The following SPTBN2 variants were observed in gnomAD, a reference collection of about 807,000 sequenced individuals.
SPTBN2 encodes the protein spectrin beta chain, non-erythrocytic 2.
SPTBN2 carries 107 observed loss-of-function variants against 284.2 expected under a neutral mutation model. That is an observed-to-expected ratio of 0.38 (90% CI 0.32 to 0.44). The LOEUF (loss-of-function observed/expected upper bound fraction) is 0.44, where lower values mean the gene tolerates loss of function less well. SPTBN2 is among the 20% of genes least tolerant of loss of function. SPTBN2 has a pLI of 1.00. For synonymous variants in SPTBN2, 1,289 were observed against 1,354.8 expected, an observed-to-expected ratio of 0.95 and a Z score of 1.07; for missense variants, 2,569 against 3,287.1, an observed-to-expected ratio of 0.78 and a Z score of 5.34.
intron 3 of SPTBN2, among the ~76,000 whole-genome samples, chr11:66,720,784 G>A (rs936342576): frequency 3.3e-5 from 5 of 152,134 alleles, no homozygotes; most frequent in Admixed American, 6.6e-5. Context: ...CGAGAGTGCC[G>A]AAGGATGAAG....
chr11:66,728,191 G>A (rs1942699210), intron 1 of SPTBN2: 1 of 145,546 alleles, frequency 6.9e-6, no homozygotes, highest in African/African-American at 2.5e-5. Context: ...GGGCGGGCGG[G>A]GGCGCGGCGG....
At position 66,698,662 on chromosome 11, in the gene SPTBN2, C is replaced by T. The variant is rs757110552; in HGVS notation, c.3991G>A (p.Asp1331Asn). 1 of 1,614,262 alleles carries T rather than the reference C, an allele frequency of 6.2e-7. No homozygotes were observed. The highest frequency in any genetic ancestry group is 1.7e-5 in the Admixed American group (1 of 60,030). Residue 1331 changes from aspartate to asparagine, a missense_variant, in exon 20 of 38, where the codon GAC becomes AAC. Asp to Asn is a conservative substitution (Grantham distance 23). This residue lies in a region of SPTBN2 where 50 missense variants were observed against 48.1 expected (regional missense o/e 1.04). Coordinates refer to ENST00000533211, the MANE Select transcript of SPTBN2 (RefSeq NM_006946.4). ...AFMAELAANK[D>N]WLDKVDKEGR... The stretch of plus-strand genomic sequence containing the variant: ...ACCTTGTCCACCTTGTCCAGCCAGT[C>T]TTTGTTGGCAGCCAGCTCGGCCATG...
upstream of SPTBN2, among the ~76,000 whole-genome samples, chr11:66,732,898 G>A (rs541799983): frequency 2.7e-5 from 4 of 150,610 alleles, no homozygotes; most frequent in South Asian, 6.3e-4. Context: ...CCCAGGAGAC[G>A]GAGGCTACAG....
At chr11:66,716,071 C>A in intron 3 of SPTBN2, 90 bp from the exon 4 acceptor site, 4 of 1,574,832 alleles carry the variant, frequency 2.5e-6, no homozygotes, top group Non-Finnish European at 3.5e-6. Flanking sequence ...GATGGAGAAG[C>A]CTGAGAGATG....
Position 66,710,561 on chromosome 11 carries a change from T to TG in SPTBN2, c.1073+20dup. On this transcript the variant is annotated intron_variant, in intron 10 of 37. Coordinates refer to ENST00000533211, the MANE Select transcript of SPTBN2 (RefSeq NM_006946.4). The surrounding 1 kb of genome is among the most constrained non-coding windows in gnomAD (Gnocchi z 4.9). ...CGTGGGAGCACAGCTCAGGGAAGGG[T>TG]GGGGCCCCAGGGACACCTACTTGGG... 6.2e-7 allele frequency: 1 copy of TG among 1,610,800 alleles called. No individual in the cohort carries two copies. Among genetic ancestry groups the TG allele is most frequent in the African/African-American group, 1.3e-5 (1 of 74,924 alleles).
At chr11:66,688,446 G>C in intron 31 of SPTBN2, 135 bp from the exon 32 acceptor site, 1 of 1,526,920 alleles carries the variant, frequency 6.5e-7, no homozygotes, top group Non-Finnish European at 8.8e-7. Flanking sequence ...AAGATGGTGG[G>C]GACAAGAAAC....
At chr11:66,688,565 A>G in intron 31 of SPTBN2, 88 bp downstream of exon 31, 1 of 1,545,462 alleles carries the variant, frequency 6.5e-7, no homozygotes, top group African/African-American at 1.4e-5. Context: ...TGCAGTGGGA[A>G]GAGAGAAGAC....
Position 66,691,493 on chromosome 11 carries a change from G to C in SPTBN2, c.5356C>G (p.Leu1786Val). ...KDSLNEAWAD[L>V]LELLDTRGQV... ...CCCCGTGTGTCCAGCAGCTCAAGCA[G>C]GTCAGCCCAGGCCTCGTTGAGACTG... Residue 1786 changes from leucine (L) to valine (V), a missense_variant, in exon 27 of 38, where the codon CTG becomes GTG. Around this residue, in one of 6 missense-constraint regions of SPTBN2, gnomAD observed 1,130 missense variants for 1,317.3 expected, o/e 0.86. Coordinates refer to ENST00000533211, the MANE Select transcript of SPTBN2 (RefSeq NM_006946.4). This position sits in a 1 kb window ranked among gnomAD's most constrained non-coding sequence, Gnocchi z 8.0. The C allele has an allele frequency of 6.2e-7, 1 of 1,612,116 alleles. No homozygotes were observed. The highest frequency in any genetic ancestry group is 8.5e-7 in the Non-Finnish European group (1 of 1,180,010).
At position 66,687,037 on chromosome 11, in the gene SPTBN2, C is replaced by T. The variant is rs775930412; in HGVS notation, c.6853G>A (p.Val2285Ile). The change falls in exon 36 of 38, where the codon GTC becomes ATC. Residue 2285 changes from valine (V) to isoleucine (I), a missense_variant. Val to Ile is a conservative substitution (Grantham distance 29). Transcript: ENST00000533211. The surrounding 1 kb of genome is among the most constrained non-coding windows in gnomAD (Gnocchi z 5.2). ...TTGCGCTTTCGGTAATCAAAGGCGA[C>T]GCTGCCCTGGGCCCTGGCCAGGCTG... ...PVSLARAQGSVAFDYRKRKHV... is the reference protein window; with the variant it reads ...PVSLARAQGSIAFDYRKRKHV... 10 of 1,614,000 alleles carry T rather than the reference C, an allele frequency of 6.2e-6. No homozygotes were observed. The highest frequency in any genetic ancestry group is 2.2e-5 in the East Asian group (1 of 44,892).
At position 66,710,787 on chromosome 11, in the gene SPTBN2, G is replaced by A. The variant is rs773156791; in HGVS notation, c.886-18C>T. 1.2e-6 allele frequency: 2 copies of A among 1,613,594 alleles called. No individual in the cohort carries two copies. The highest frequency in any genetic ancestry group is 2.2e-5 in the South Asian group (2 of 91,058). On this transcript the variant is annotated intron_variant, in intron 9 of 37. Transcript: ENST00000533211. The surrounding 1 kb of genome is among the most constrained non-coding windows in gnomAD (Gnocchi z 4.9). ...TCCAGCACCTGGGAGGCAGAAGACA[G>A]GGACGTGACAGTCCCAGCCACAGGG...
chr11:66,740,061 A>G (rs998279967), intron 1 of SPTBN2, among the ~76,000 whole-genome samples: 14 of 152,188 alleles, frequency 9.2e-5, no homozygotes, highest in African/African-American at 2.9e-4. Context: ...GGGCAGAACC[A>G]CTTTGTGATG....
Position 66,699,069 on chromosome 11 carries a change from G to C in SPTBN2, c.3790C>G (p.Gln1264Glu), listed in dbSNP as rs1941099027. The C allele has an allele frequency of 6.2e-7, 1 of 1,614,202 alleles. No individual in the cohort carries two copies. Among genetic ancestry groups the C allele is most frequent in the East Asian group, 2.2e-5 (1 of 44,886 alleles). Reference sequence around the variant, plus strand: ...CCCAGAAATTGCTGCGCTGCGTCTTGATTCTTCTTGTGCCTGGAACGACAC... The same window carrying C: ...CCCAGAAATTGCTGCGCTGCGTCTTCATTCTTCTTGTGCCTGGAACGACAC... ...DSIERRHKKN[Q>E]DAAQQFLGRL... is the part of the protein sequence containing the mutation. The change falls in exon 19 of 38, where the codon CAA becomes GAA. Residue 1264 changes from glutamine (Q) to glutamate (E), a missense_variant. Around this residue, in one of 6 missense-constraint regions of SPTBN2, gnomAD observed 1,012 missense variants for 1,248.9 expected, o/e 0.81. Coordinates refer to ENST00000533211, the MANE Select transcript of SPTBN2 (RefSeq NM_006946.4).
Position 66,722,766 on chromosome 11 carries a change from G to C in SPTBN2, c.-113-1326C>G, listed in dbSNP as rs183799325. Among the ~76,000 whole-genome samples, 282 of 151,478 alleles carry C rather than the reference G, an allele frequency of 1.9e-3. 1 individual carries two copies. Among genetic ancestry groups the C allele is most frequent in the African/African-American group, 6.5e-3 (270 of 41,296 alleles). On this transcript the variant is annotated intron_variant, in intron 1 of 37. Transcript: ENST00000533211. ...AAATTAGCTGGGCGTGGTAGCACACGACTGTAGTCCTAGCTACCGGGGAGG... is the reference window on the plus strand; with the variant it reads ...AAATTAGCTGGGCGTGGTAGCACACCACTGTAGTCCTAGCTACCGGGGAGG...
intron 21 of SPTBN2, among the ~76,000 whole-genome samples, chr11:66,695,243 C>T (rs1940838069): frequency 1.3e-5 from 2 of 152,200 alleles, no homozygotes; most frequent in African/African-American, 4.8e-5. Flanking sequence ...TTTTATTGGA[C>T]CACAGCTGCA....
At chr11:66,686,237 G>A in intron 37 of SPTBN2, 133 bp from the exon 38 acceptor site, 1 of 1,377,276 alleles carries the variant, frequency 7.3e-7, no homozygotes, top group Non-Finnish European at 1.0e-6. Flanking sequence ...AATGTGGCCG[G>A]CTTAGACAGG....
chr11:66,740,914 C>T (rs1427470860), intron 1 of SPTBN2, among the ~76,000 whole-genome samples: 1 of 152,126 alleles, frequency 6.6e-6, no homozygotes, highest in Non-Finnish European at 1.5e-5. Flanking sequence ...CTAGGAGACA[C>T]AGAGAGGGCA....
rs1350904531 is a variant in SPTBN2, at chr11:66,693,714, C to A, written c.4593+58G>T. 2.0e-6 allele frequency: 3 copies of A among 1,525,900 alleles called. No individual in the cohort carries two copies. Among genetic ancestry groups the A allele is most frequent in the Admixed American group, 3.8e-5 (2 of 52,334 alleles). The allele number at this position is 1,525,900 out of a possible 1,614,324, so 94.5% of individuals were successfully genotyped here. On this transcript the variant is annotated intron_variant, in intron 23 of 37. Coordinates refer to ENST00000533211, the MANE Select transcript of SPTBN2 (RefSeq NM_006946.4). This position sits in a 1 kb window ranked among gnomAD's most constrained non-coding sequence, Gnocchi z 5.7. ...GGGGGCCTGGTCTTAAGAAAAAACA[C>A]GTCCAAGTCTGGGCAGGCTCCTGGG...
Position 66,691,303 on chromosome 11 carries a change from A to C in SPTBN2, c.5546T>G (p.Ile1849Ser). 6.5e-7 allele frequency: 1 copy of C among 1,535,468 alleles called. No homozygotes were observed. Among genetic ancestry groups the C allele is most frequent in the South Asian group, 1.3e-5 (1 of 78,948 alleles). ...TCAGACCTGGGGGCTGAGGGCCTGA[A>C]TGTCATGCTCGTAGGCACAGTGTCG... ...QRRHCAYEHD[I>S]QALSPQVQQV... is the part of the protein sequence containing the mutation. Residue 1849 changes from isoleucine (I) to serine (S), a missense_variant, in exon 27 of 38, where the codon ATT becomes AGT. By Grantham distance (142) the Ile-to-Ser change is moderately radical. Coordinates refer to ENST00000533211, the MANE Select transcript of SPTBN2 (RefSeq NM_006946.4). This position sits in a 1 kb window ranked among gnomAD's most constrained non-coding sequence, Gnocchi z 8.0.
intron 1 of SPTBN2, among the ~76,000 whole-genome samples, chr11:66,723,009 G>T (rs1590986220): frequency 6.6e-6 from 1 of 151,512 alleles, no homozygotes; most frequent in Middle Eastern, 3.5e-3. Flanking sequence ...GCTCTTAATC[G>T]CAGCCTCTTG....
Sources: gnomAD v4.1 joint callset for allele counts (sites outside exome capture counted in the v4.1 genomes callset) on GRCh38, gnomAD v4.1.1 for gene constraint, gnomAD v4.1.1 regional missense constraint, Gnocchi (gnomAD v3.1) non-coding constraint, MANE v1.5 for transcripts, NCBI Gene and HGNC (gene_info 2026-07-23, HGNC 2026-07-21) for gene names.